The following BCL11B variants were observed in gnomAD, a reference collection of about 807,000 sequenced individuals.
BCL11B encodes B-cell lymphoma/leukemia 11B.
Under a neutral mutation model 49.9 loss-of-function variants are expected in BCL11B, and 8 were observed. The observed-to-expected ratio is 0.16, with a 90% confidence interval of 0.09 to 0.29. BCL11B has a LOEUF of 0.29. Ranked by LOEUF, BCL11B falls within the 10% of genes least tolerant of loss-of-function variation. BCL11B has a pLI of 1.00. For synonymous variants in BCL11B, 739 were observed against 637.4 expected, an observed-to-expected ratio of 1.16 and a Z score of -2.40; for missense variants, 1,006 against 1,351.0, an observed-to-expected ratio of 0.74 and a Z score of 4.00.
At chr14:99,239,865 G>T (rs926740581) in intron 2 of BCL11B, among the ~76,000 whole-genome samples, 1 of 152,158 alleles carries the variant, frequency 6.6e-6, no homozygotes, top group Non-Finnish European at 1.5e-5. Flanking sequence ...AAGGAGGAAG[G>T]CTGAGCTGCG....
In BCL11B at chr14:99,172,594, AATT is replaced by A. The variant is rs1236446800; in HGVS notation, c.*1554_*1556del. 2.9e-5 allele frequency: 6 copies of A among 209,720 alleles called. No individual in the cohort carries two copies. The highest frequency in any genetic ancestry group is 5.8e-5 in the Non-Finnish European group (6 of 103,116). The allele number at this position is 209,720 out of a possible 1,614,324, so 13.0% of individuals were successfully genotyped here. ...ATGGCAGTAGAAAAACTGTCCTATA[AATT>A]ATTATTTTATTTTGTTCTTTATAGT... On this transcript the variant is annotated 3_prime_UTR_variant, in exon 4 of 4. Transcript: ENST00000357195.
Position 99,170,831 on chromosome 14 carries a change from C to A in BCL11B, c.*3320G>T, listed in dbSNP as rs1886266152. On this transcript the variant is annotated 3_prime_UTR_variant, in exon 4 of 4. Transcript: ENST00000357195. ...TTGTACCGGTCTCAACAGCAGGTCA[C>A]TTCACCTGGACCCAGCTGAATCACC... 4.3e-6 allele frequency: 1 copy of A among 232,874 alleles called. No individual in the cohort carries two copies. Among genetic ancestry groups the A allele is most frequent in the Non-Finnish European group, 8.5e-6 (1 of 117,810 alleles). The allele number at this position is 232,874 out of a possible 1,614,324, so 14.4% of individuals were successfully genotyped here.
chr14:99,174,295 C>A lies in BCL11B; in HGVS notation c.2541G>T (p.Gly847=). 6.2e-7 allele frequency: 1 copy of A among 1,613,554 alleles called. No homozygotes were observed. Among genetic ancestry groups the A allele is most frequent in the Non-Finnish European group, 8.5e-7 (1 of 1,180,008 alleles). The change falls in exon 4 of 4, where the codon GGG becomes GGT. Residue 847 remains glycine (G), a synonymous_variant. Transcript: ENST00000357195. ...SKLTRHMKTH[G]QIGKEVYRCD... ...AGCGGTACACCTCCTTGCCGATCTG[C>A]CCGTGCGTCTTCATGTGGCGCGTGA... is the stretch of plus-strand genomic sequence containing the variant.
At chr14:99,197,799 G>A (rs1175342843) in intron 3 of BCL11B, among the ~76,000 whole-genome samples, 1 of 152,206 alleles carries the variant, frequency 6.6e-6, no homozygotes, top group Non-Finnish European at 1.5e-5. Flanking sequence ...AGCTGCGTGC[G>A]AGGGAGACAT....
At position 99,251,054 on chromosome 14, in the gene BCL11B, AC is replaced by A. The variant is rs1001766168; in HGVS notation, c.427+6416del. ...AAGGCCAGTGGGACAGGAAGGGCTC[AC>A]CCCCTTTCTCAGCTGAGGAAACTGG... On this transcript the variant is annotated intron_variant, in intron 2 of 3. Transcript: ENST00000357195. Among the ~76,000 whole-genome samples the A allele has an allele frequency of 3.7e-4, 56 of 152,230 alleles. 1 individual carries two copies. Among genetic ancestry groups the A allele is most frequent in the African/African-American group, 1.2e-3 (51 of 41,518 alleles).
intron 2 of BCL11B, among the ~76,000 whole-genome samples, chr14:99,249,272 A>G (rs539621269): frequency 6.6e-6 from 1 of 152,278 alleles, no homozygotes; most frequent in South Asian, 2.1e-4. Flanking sequence ...GGAAGTCAGG[A>G]GCCTGTCCTC....
chr14:99,215,979 C>G (rs543208974), intron 3 of BCL11B, among the ~76,000 whole-genome samples: 1 of 152,292 alleles, frequency 6.6e-6, no homozygotes, highest in South Asian at 2.1e-4. Context: ...GAAAAAGCCC[C>G]GTGGATCCCG....
chr14:99,261,546 AG>A (rs1281294825), intron 1 of BCL11B, among the ~76,000 whole-genome samples: 1 of 152,176 alleles, frequency 6.6e-6, no homozygotes, highest in Non-Finnish European at 1.5e-5. Context: ...CAATGAAAAC[AG>A]TCTTTCAAAT....
At chr14:99,234,880 A>AAAAAAAAAAAAAAG (rs143975117) in intron 2 of BCL11B, among the ~76,000 whole-genome samples, 1 of 119,894 alleles carries the variant, frequency 8.3e-6, no homozygotes, top group Non-Finnish European at 1.7e-5. Flanking sequence ...AAAAAAAAAA[A>AAAAAAAAAAAAAAG]GTCTAAAAAT....
chr14:99,213,365 G>A lies in BCL11B; in HGVS notation c.640+17980C>T, dbSNP rs370436645. Among the ~76,000 whole-genome samples, 2 of 152,162 alleles carry A rather than the reference G, an allele frequency of 1.3e-5. No homozygotes were observed. The highest frequency in any genetic ancestry group is 2.9e-5 in the Non-Finnish European group (2 of 68,030). On this transcript the variant is annotated intron_variant, in intron 3 of 3. Coordinates refer to ENST00000357195, the MANE Select transcript of BCL11B (RefSeq NM_138576.4). The surrounding 1 kb of genome is among the most constrained non-coding windows in gnomAD (Gnocchi z 5.1). ...GGCTGCCACCCAGAATGCCCGGCAC[G>A]TTATTCAGCAATGAGGTATAATTGA...
intron 3 of BCL11B, among the ~76,000 whole-genome samples, chr14:99,177,173 C>CGG (rs997877116): frequency 6.6e-6 from 1 of 152,044 alleles, no homozygotes; most frequent in Non-Finnish European, 1.5e-5. Context: ...CCAGGGAAGG[C>CGG]GGGGGCACAC....
rs1269589249 is a variant in BCL11B at position 99,174,745 on chromosome 14, C to T, written c.2091G>A (p.Pro697=). ...TCTCGGACGGGATGAGCGCGGCGGG[C>T]GGCAGCTCCAGGTCCTTCTCCACCT... ...RIKVEKDLEL[P]PAALIPSENV... Residue 697 remains proline (P), a synonymous_variant, in exon 4 of 4, where the codon CCG becomes CCA. Coordinates refer to ENST00000357195, the MANE Select transcript of BCL11B (RefSeq NM_138576.4). 2.6e-6 allele frequency: 4 copies of T among 1,522,360 alleles called. No individual in the cohort carries two copies. Among genetic ancestry groups the T allele is most frequent in the Admixed American group, 4.0e-5 (2 of 50,520 alleles). The allele number at this position is 1,522,360 out of a possible 1,614,324, so 94.3% of individuals were successfully genotyped here.
In BCL11B at chr14:99,231,928, G is replaced by A; in HGVS notation, c.428-371C>T. Among the ~76,000 whole-genome samples, 1 of 152,032 alleles carries A rather than the reference G, an allele frequency of 6.6e-6. No individual in the cohort carries two copies. The highest frequency in any genetic ancestry group is 1.9e-4 in the East Asian group (1 of 5,140). ...AGCAATCAAATAGGTTCCATTTGGG[G>A]ATTTGTTTCCAAAACTTCGGGCTAC... On this transcript the variant is annotated intron_variant, in intron 2 of 3. Transcript: ENST00000357195. The surrounding 1 kb of genome is among the most constrained non-coding windows in gnomAD (Gnocchi z 8.1).
At chr14:99,267,443 G>T (rs1889515757) in intron 1 of BCL11B, among the ~76,000 whole-genome samples, 1 of 151,704 alleles carries the variant, frequency 6.6e-6, no homozygotes, top group Non-Finnish European at 1.5e-5. Context: ...TAACACCTTT[G>T]GTGAACACGT....
At position 99,247,705 on chromosome 14, in the gene BCL11B, A is replaced by C. The variant is rs1248126101; in HGVS notation, c.427+9766T>G. On this transcript the variant is annotated intron_variant, in intron 2 of 3. Coordinates refer to ENST00000357195, the MANE Select transcript of BCL11B (RefSeq NM_138576.4). This position sits in a 1 kb window ranked among gnomAD's most constrained non-coding sequence, Gnocchi z 4.5. ...TCTTGTGGATTGGACGGATGGCTTC[A>C]TCTGTGCCATATCACTAGAGGCACA... Among the ~76,000 whole-genome samples, 2 of 152,204 alleles carry C rather than the reference A, an allele frequency of 1.3e-5. No homozygotes were observed. Among genetic ancestry groups the C allele is most frequent in the Non-Finnish European group, 2.9e-5 (2 of 68,026 alleles).
chr14:99,201,906 G>C (rs1887395451), intron 3 of BCL11B, among the ~76,000 whole-genome samples: 1 of 152,176 alleles, frequency 6.6e-6, no homozygotes, highest in South Asian at 2.1e-4. Flanking sequence ...CTGGTGACCA[G>C]AACAATGCCA....
chr14:99,225,378 T>G (rs916636794), intron 3 of BCL11B, among the ~76,000 whole-genome samples: 12 of 152,278 alleles, frequency 7.9e-5, no homozygotes, highest in African/African-American at 2.6e-4. Context: ...AGAACCCATT[T>G]CTGGGCCAGT....
At chr14:99,225,050 CAT>C (rs1313578515) in intron 3 of BCL11B, among the ~76,000 whole-genome samples, 2 of 152,218 alleles carry the variant, frequency 1.3e-5, no homozygotes, top group Non-Finnish European at 2.9e-5. Context: ...GGCTCCTCAA[CAT>C]CAGAGCTCTA....
rs1888047024 is a variant in BCL11B at position 99,222,760 on chromosome 14, C to A, written c.640+8585G>T. Among the ~76,000 whole-genome samples the A allele has an allele frequency of 2.6e-5, 4 of 152,282 alleles. 1 individual carries two copies. The South Asian group carries it at 8.3e-4, about 32-fold the overall frequency. On this transcript the variant is annotated intron_variant, in intron 3 of 3. Transcript: ENST00000357195. Reference sequence around the variant, plus strand: ...GTGACTGGACCCTCAGCCTCAAGTTCCCCGGTGGTAAAACCCCTGTAGATC... The same window carrying A: ...GTGACTGGACCCTCAGCCTCAAGTTACCCGGTGGTAAAACCCCTGTAGATC...
Sources: allele counts gnomAD v4.1 joint callset (sites outside exome capture counted in the v4.1 genomes callset), GRCh38; gene constraint gnomAD v4.1.1; non-coding constraint Gnocchi (gnomAD v3.1); transcripts MANE v1.5; gene names NCBI Gene and HGNC (gene_info 2026-07-23, HGNC 2026-07-21).